The following SMOC2 variants were observed in gnomAD, a reference collection of about 807,000 sequenced individuals.
SMOC2 encodes the protein SPARC-related modular calcium-binding protein 2.
A neutral mutation model predicts 61.4 loss-of-function variants in SMOC2; 39 were observed. The observed-to-expected ratio is 0.64, with a 90% CI of 0.49 to 0.83. The LOEUF (loss-of-function observed/expected upper bound fraction) is 0.83. Among genes scored for constraint, SMOC2 ranks in the 40% least tolerant of loss-of-function variants. SMOC2 has a pLI of 0.00. For missense variants in SMOC2, 556 were observed against 592.9 expected (o/e 0.94, Z 0.65); for synonymous variants, 247 against 239.9 (o/e 1.03, Z -0.27).
At chr6:168,528,267 G>GGTT (rs373018364) in intron 4 of SMOC2, among the ~76,000 whole-genome samples, 2 of 136,572 alleles carry the variant, frequency 1.5e-5, no homozygotes, top group Non-Finnish European at 3.1e-5. Context: ...TCCCATTAGT[G>GGTT]TTTTTTTTTT....
At chr6:168,531,748 AC>A (rs1583085992) in intron 4 of SMOC2, among the ~76,000 whole-genome samples, 2 of 152,236 alleles carry the variant, frequency 1.3e-5, no homozygotes, top group East Asian at 3.8e-4. Flanking sequence ...CTACTCTTTT[AC>A]AGACGAGAAA....
At chr6:168,526,114 C>T (rs1029849583) in intron 2 of SMOC2, among the ~76,000 whole-genome samples, 19 of 152,356 alleles carry the variant, frequency 1.2e-4, no homozygotes, top group African/African-American at 4.3e-4. Flanking sequence ...TGGGCCTGCC[C>T]TTCCCGCCCC....
intron 9 of SMOC2, among the ~76,000 whole-genome samples, chr6:168,638,388 G>A (rs1291194465): frequency 6.6e-6 from 1 of 152,168 alleles, no homozygotes; most frequent in African/African-American, 2.4e-5. Flanking sequence ...GTGTCATTAA[G>A]TTAGACACTA....
At chr6:168,619,178 T>C (rs1786182335) in intron 9 of SMOC2, among the ~76,000 whole-genome samples, 1 of 152,190 alleles carries the variant, frequency 6.6e-6, no homozygotes, top group Non-Finnish European at 1.5e-5. Flanking sequence ...GAGCCAGATT[T>C]TTAAAGATAA....
intron 9 of SMOC2, among the ~76,000 whole-genome samples, chr6:168,648,446 T>A (rs143675539): frequency 6.6e-6 from 1 of 152,344 alleles, no homozygotes; most frequent in African/African-American, 2.4e-5. Flanking sequence ...CCCTTCCTGG[T>A]TAGTCCTGCA....
At chr6:168,584,510 G>A (rs1002352558) in intron 7 of SMOC2, among the ~76,000 whole-genome samples, 2 of 151,510 alleles carry the variant, frequency 1.3e-5, no homozygotes, top group Non-Finnish European at 2.9e-5. Context: ...GTTTAATCGA[G>A]TGTACACTAA....
intron 1 of SMOC2, among the ~76,000 whole-genome samples, chr6:168,446,055 A>G (rs563017770): frequency 9.8e-5 from 15 of 152,350 alleles, no homozygotes; most frequent in Non-Finnish European, 1.8e-4. Flanking sequence ...TAACATTTAT[A>G]TATTTTTGAA....
intron 1 of SMOC2, among the ~76,000 whole-genome samples, chr6:168,447,343 T>C (rs1781354068): frequency 2.6e-5 from 4 of 152,218 alleles, no homozygotes; most frequent in African/African-American, 9.6e-5. Flanking sequence ...CGATTTTCTT[T>C]CTCTTTTATG....
chr6:168,590,076 T>C (rs13215073), intron 7 of SMOC2, among the ~76,000 whole-genome samples: 35 of 33,684 alleles, frequency 1.0e-3, no homozygotes, highest in Middle Eastern at 0.019. Context: ...GGGCAGCCGG[T>C]CTGGTGGTGG....
intron 12 of SMOC2, chr6:168,664,743 TG>T: frequency 2.1e-6 from 1 of 471,194 alleles, no homozygotes; most frequent in South Asian, 1.5e-5. Flanking sequence ...AAGGATGCAA[TG>T]GTGGTGTCCT....
chr6:168,636,903 GCCCGCATCCCTCCTCCCTCCTC>G (rs1786747730), intron 9 of SMOC2, among the ~76,000 whole-genome samples: 2 of 50,154 alleles, frequency 4.0e-5, no homozygotes, highest in African/African-American at 1.0e-4. Context: ...CCTCCCTCCT[GCCCGCATCCCTCCTCCCTCCTC>G]CCCCCTCCCC....
chr6:168,611,254 C>CT (rs1785854303), intron 9 of SMOC2, among the ~76,000 whole-genome samples: 1 of 135,942 alleles, frequency 7.4e-6, no homozygotes. Context: ...TGCTCTGGTT[C>CT]CCATGTCCGG....
chr6:168,526,390 G>A lies in SMOC2; in HGVS notation c.301G>A (p.Ala101Thr). ...CGAAAGGAAGTATACCCAGGAGCAA[G>A]CCCGGAAGGAGTTTCAGCAAGTGTT... The part of the protein sequence containing the change: ...VAERKYTQEQ[A>T]RKEFQQVFIP... The change falls in exon 3 of 13, where the codon GCC (alanine) becomes ACC (threonine). Residue 101 changes from alanine to threonine, a missense_variant. Transcript: ENST00000356284. 2 of 1,614,184 alleles carry A rather than the reference G, an allele frequency of 1.2e-6. No homozygotes were observed. Among genetic ancestry groups the A allele is most frequent in the Middle Eastern group, 1.7e-4 (1 of 6,060 alleles).
intron 9 of SMOC2, among the ~76,000 whole-genome samples, chr6:168,635,247 G>A (rs1435393475): frequency 6.6e-6 from 1 of 152,224 alleles, no homozygotes; most frequent in Admixed American, 6.5e-5. Flanking sequence ...GATAAAGGGT[G>A]TTCACCAGAC....
chr6:168,599,127 C>T lies in SMOC2; in HGVS notation c.824+123C>T. On this transcript the variant is annotated intron_variant, in intron 8 of 12. Coordinates refer to ENST00000356284, the MANE Select transcript of SMOC2 (RefSeq NM_001166412.2). ...ACACAGTCACACACACACTCACACT[C>T]ACACACACTGATACCACACACATAC... 3.5e-6 allele frequency: 3 copies of T among 861,870 alleles called. No individual in the cohort carries two copies. In the South Asian group the frequency reaches 5.2e-5, roughly 15 times the overall value. 53.4% of individuals were successfully genotyped at this position (861,870 alleles called of 1,614,324 possible). A position where few individuals can be genotyped will look rare whatever the true frequency, so the allele number is the denominator to read the frequency against.
chr6:168,636,130 T>C (rs1786711738), intron 9 of SMOC2, among the ~76,000 whole-genome samples: 1 of 152,208 alleles, frequency 6.6e-6, no homozygotes, highest in African/African-American at 2.4e-5. Flanking sequence ...TGCTGTCTCC[T>C]GCAAAGACTT....
Position 168,453,532 on chromosome 6 carries a change from CTT to C in SMOC2, c.84+12080_84+12081del, listed in dbSNP as rs538967678. 4.1e-3 allele frequency among the ~76,000 whole-genome samples: 625 copies of C among 151,990 alleles called. 7 individuals carry two copies. Among genetic ancestry groups the C allele is most frequent in the African/African-American group, 0.014 (586 of 41,454 alleles). On this transcript the variant is annotated intron_variant, in intron 1 of 12. Coordinates refer to ENST00000356284, the MANE Select transcript of SMOC2 (RefSeq NM_001166412.2). The surrounding 1 kb of genome is among the most constrained non-coding windows in gnomAD (Gnocchi z 4.4). Reference sequence around the variant, plus strand: ...TTTGTCTCTCTGTCTCTCTCTGTCTCTTTGTCTCTCTCTGTACCTGTCTCTCT... The same window carrying C: ...TTTGTCTCTCTGTCTCTCTCTGTCTCTGTCTCTCTCTGTACCTGTCTCTCT...
chr6:168,451,733 C>G (rs1781473366), intron 1 of SMOC2, among the ~76,000 whole-genome samples: 1 of 152,088 alleles, frequency 6.6e-6, no homozygotes. Context: ...TAAGTTCTTT[C>G]TTTTTAGGAT....
chr6:168,461,900 C>T (rs796732653), intron 1 of SMOC2, among the ~76,000 whole-genome samples: 50 of 152,270 alleles, frequency 3.3e-4, no homozygotes, highest in African/African-American at 1.1e-3. Context: ...GTCAAGGATA[C>T]GATGTGCATC....
Sources: gnomAD v4.1 joint callset for allele counts (sites outside exome capture counted in the v4.1 genomes callset) on GRCh38, gnomAD v4.1.1 for gene constraint, Gnocchi (gnomAD v3.1) non-coding constraint, MANE v1.5 for transcripts, NCBI Gene and HGNC (gene_info 2026-07-23, HGNC 2026-07-21) for gene names.